SLIT2: variants seen among roughly 807,000 people sequenced by gnomAD.
SLIT2 encodes slit guidance ligand 2.
Under a neutral mutation model 185.7 loss-of-function variants are expected in SLIT2, and 41 were observed. The observed-to-expected ratio is 0.22, with a 90% CI of 0.17 to 0.29. The LOEUF (loss-of-function observed/expected upper bound fraction) is 0.29. Ranked by LOEUF, SLIT2 falls within the 10% of genes least tolerant of loss-of-function variation. The pLI is 1.00. For synonymous variants in SLIT2, 693 were observed against 680.2 expected, an observed-to-expected ratio of 1.02 and a Z score of -0.29; for missense variants, 1,571 against 1,909.0, an observed-to-expected ratio of 0.82 and a Z score of 3.30.
chr4:20,363,821 A>T (rs1003661382), intron 4 of SLIT2, among the ~76,000 whole-genome samples: 1 of 152,148 alleles, frequency 6.6e-6, no homozygotes, highest in African/African-American at 2.4e-5. Context: ...TTTTCCTGCA[A>T]CTATTTATAA....
chr4:20,551,425 A>G (rs1360160388), intron 25 of SLIT2, among the ~76,000 whole-genome samples: 1 of 152,160 alleles, frequency 6.6e-6, no homozygotes, highest in South Asian at 2.1e-4. Context: ...CTTTTCCTTT[A>G]TGTTTTCTCT....
Position 20,343,147 on chromosome 4 carries a change from G to T in SLIT2, c.395+74266G>T, listed in dbSNP as rs962793098. On this transcript the variant is annotated intron_variant, in intron 4 of 36. Coordinates refer to ENST00000504154, the MANE Select transcript of SLIT2 (RefSeq NM_004787.4). Reference sequence around the variant, plus strand: ...TAACACTTATACTCTTCTATCAAAGGTTAGGATTTATTCCATCTATCTAAT... The same window carrying T: ...TAACACTTATACTCTTCTATCAAAGTTTAGGATTTATTCCATCTATCTAAT... 2.0e-5 allele frequency among the ~76,000 whole-genome samples: 3 copies of T among 151,848 alleles called. No individual in the cohort carries two copies. The East Asian group carries it at 5.8e-4, about 29-fold the overall frequency.
intron 4 of SLIT2, among the ~76,000 whole-genome samples, chr4:20,466,153 C>T (rs1385608521): frequency 6.6e-6 from 1 of 152,074 alleles, no homozygotes; most frequent in African/African-American, 2.4e-5. Context: ...TTCTATCTCT[C>T]TTTGCTTTCT....
At position 20,528,021 on chromosome 4, in the gene SLIT2, C is replaced by T. The variant is rs1048551947; in HGVS notation, c.1463-928C>T. Among the ~76,000 whole-genome samples the T allele has an allele frequency of 6.6e-6, 1 of 152,032 alleles. No homozygotes were observed. The highest frequency in any genetic ancestry group is 2.4e-5 in the African/African-American group (1 of 41,400). ...CCTTGTAGCTCACCTTCAACTTCTT[C>T]CTGGATGTTGTTCCCGAAAGCTGTT... On this transcript the variant is annotated intron_variant, in intron 15 of 36. Coordinates refer to ENST00000504154, the MANE Select transcript of SLIT2 (RefSeq NM_004787.4). The surrounding 1 kb of genome is among the most constrained non-coding windows in gnomAD (Gnocchi z 4.2).
At chr4:20,464,966 G>T (rs1380809068) in intron 4 of SLIT2, among the ~76,000 whole-genome samples, 1 of 152,090 alleles carries the variant, frequency 6.6e-6, no homozygotes. Flanking sequence ...ACATAGAGTA[G>T]ATATTAAATA....
chr4:20,541,201 G>T (rs896052082), intron 19 of SLIT2, among the ~76,000 whole-genome samples: 2 of 151,964 alleles, frequency 1.3e-5, no homozygotes, highest in African/African-American at 4.8e-5. Flanking sequence ...CTTATTTTTT[G>T]CATGAAATCA....
intron 4 of SLIT2, among the ~76,000 whole-genome samples, chr4:20,421,820 C>T (rs190733212): frequency 6.6e-6 from 1 of 152,130 alleles, no homozygotes; most frequent in African/African-American, 2.4e-5. Flanking sequence ...TTCTTTGCCT[C>T]CCTCCTTCCC....
chr4:20,280,205 C>G (rs958793927), intron 4 of SLIT2, among the ~76,000 whole-genome samples: 1 of 151,518 alleles, frequency 6.6e-6, no homozygotes, highest in Non-Finnish European at 1.5e-5. Flanking sequence ...TGGTGGCGGG[C>G]GCCTGTAGTC....
chr4:20,519,077 T>C (rs2148841046), intron 11 of SLIT2, among the ~76,000 whole-genome samples: 1 of 152,294 alleles, frequency 6.6e-6, no homozygotes, highest in South Asian at 2.1e-4. Flanking sequence ...GAACTGTGTA[T>C]GCGTGTGAGT....
At chr4:20,414,698 GCCTTTTGA>G (rs1727520909) in intron 4 of SLIT2, among the ~76,000 whole-genome samples, 1 of 152,000 alleles carries the variant, frequency 6.6e-6, no homozygotes. Context: ...TTATTTCATT[GCCTTTTGA>G]CCTCCATGGT....
chr4:20,444,268 C>A (rs989221111), intron 4 of SLIT2, among the ~76,000 whole-genome samples: 1 of 151,910 alleles, frequency 6.6e-6, no homozygotes, highest in Non-Finnish European at 1.5e-5. Context: ...CAAATGGAAA[C>A]GGATAAAAAT....
chr4:20,367,184 C>G (rs184139298), intron 4 of SLIT2, among the ~76,000 whole-genome samples: 3 of 152,188 alleles, frequency 2.0e-5, no homozygotes, highest in Admixed American at 2.0e-4. Context: ...AAATCATATT[C>G]AAAAAATGCA....
intron 9 of SLIT2, among the ~76,000 whole-genome samples, chr4:20,503,015 G>A (rs1290895508): frequency 6.6e-6 from 1 of 152,072 alleles, no homozygotes; most frequent in Non-Finnish European, 1.5e-5. Context: ...AAAAATGCAG[G>A]CCCCCTCAAA....
At chr4:20,409,906 T>C (rs1484155041) in intron 4 of SLIT2, among the ~76,000 whole-genome samples, 1 of 152,192 alleles carries the variant, frequency 6.6e-6, no homozygotes, top group Non-Finnish European at 1.5e-5. Context: ...TTGACCACTT[T>C]TTAATGGGGT....
rs571131556 is a variant in SLIT2, at chr4:20,274,006, G to A, written c.395+5125G>A. Among the ~76,000 whole-genome samples, 6 of 152,234 alleles carry A rather than the reference G, an allele frequency of 3.9e-5. No homozygotes were observed. The South Asian group carries it at 1.0e-3, about 26-fold the overall frequency. On this transcript the variant is annotated intron_variant, in intron 4 of 36. Transcript: ENST00000504154. ...ACCGACATCATTACTCATCTAGCGCGCTGCCATGATAGCTACCGCTGATTT... is the reference window on the plus strand; with the variant it reads ...ACCGACATCATTACTCATCTAGCGCACTGCCATGATAGCTACCGCTGATTT...
chr4:20,332,096 C>T (rs1196130200), intron 4 of SLIT2, among the ~76,000 whole-genome samples: 1 of 152,094 alleles, frequency 6.6e-6, no homozygotes, highest in East Asian at 1.9e-4. Flanking sequence ...TCATGTTGAA[C>T]TTTTGTGTAG....
chr4:20,502,539 A>G (rs1338497807), intron 9 of SLIT2, among the ~76,000 whole-genome samples: 1 of 152,196 alleles, frequency 6.6e-6, no homozygotes, highest in Non-Finnish European at 1.5e-5. Flanking sequence ...TGCACAAAAA[A>G]CAAAGAGAGA....
In SLIT2 at chr4:20,254,609, C is replaced by T. The variant is rs951069260; in HGVS notation, c.179+615C>T. 2.0e-4 allele frequency among the ~76,000 whole-genome samples: 31 copies of T among 152,124 alleles called. No individual in the cohort carries two copies. The highest frequency in any genetic ancestry group is 7.5e-4 in the African/African-American group (31 of 41,424). ...TAGTAGCCTCGCGCAGCCCCCCGCCCCCCACTTCTCCGGGGAGGGGAAGAC... is the reference window on the plus strand; with the variant it reads ...TAGTAGCCTCGCGCAGCCCCCCGCCTCCCACTTCTCCGGGGAGGGGAAGAC... On this transcript the variant is annotated intron_variant, in intron 1 of 36. Coordinates refer to ENST00000504154, the MANE Select transcript of SLIT2 (RefSeq NM_004787.4). The surrounding 1 kb of genome is among the most constrained non-coding windows in gnomAD (Gnocchi z 5.1).
chr4:20,311,268 G>T (rs67948205), intron 4 of SLIT2, among the ~76,000 whole-genome samples: 1 of 152,092 alleles, frequency 6.6e-6, no homozygotes, highest in Admixed American at 6.5e-5. Flanking sequence ...TTAGAAAACA[G>T]TTTTAAACTT....
Sources: allele counts gnomAD v4.1 joint callset (sites outside exome capture counted in the v4.1 genomes callset), GRCh38; gene constraint gnomAD v4.1.1; non-coding constraint Gnocchi (gnomAD v3.1); transcripts MANE v1.5; gene names NCBI Gene and HGNC (gene_info 2026-07-23, HGNC 2026-07-21).